Variants in CCSER1 observed in about 807,000 individuals in gnomAD.
CCSER1 encodes the protein serine-rich coiled-coil domain-containing protein 1.
Under a neutral mutation model 82.0 loss-of-function variants are expected in CCSER1, and 41 were observed. The ratio of observed to expected loss-of-function variants is 0.50; its 90% confidence interval spans 0.39 to 0.65. The LOEUF is 0.65. Among genes scored for constraint, CCSER1 ranks in the 30% least tolerant of loss-of-function variants. The pLI is 0.00. For missense variants in CCSER1, 1,119 were observed against 1,064.2 expected (o/e 1.05, Z -0.72); for synonymous variants, 414 against 383.9 (o/e 1.08, Z -0.92).
intron 10 of CCSER1, among the ~76,000 whole-genome samples, chr4:91,169,986 A>C (rs564436393): frequency 6.6e-6 from 1 of 152,044 alleles, no homozygotes; most frequent in East Asian, 1.9e-4. Context: ...ACAAGTTGAA[A>C]CCTCTTTTAA....
chr4:90,544,924 A>G (rs760340653), intron 5 of CCSER1, among the ~76,000 whole-genome samples: 6 of 152,132 alleles, frequency 3.9e-5, no homozygotes, highest in Non-Finnish European at 8.8e-5. Context: ...GTTTATTTTT[A>G]TCATCTCTGT....
At position 90,388,148 on chromosome 4, in the gene CCSER1, G is replaced by A. The variant is rs572003281; in HGVS notation, c.1510-11888G>A. ...TCATTTTATGGAAAAGCATGAAGGA[G>A]TTTATGATTTGCTTTAGTTCACAAG... is the stretch of plus-strand genomic sequence containing the variant. On this transcript the variant is annotated intron_variant, in intron 3 of 10. Transcript: ENST00000509176. Among the ~76,000 whole-genome samples the A allele has an allele frequency of 2.2e-3, 336 of 152,278 alleles. 3 individuals are homozygous for A. Among genetic ancestry groups the A allele is most frequent in the Non-Finnish European group, 3.9e-3 (262 of 68,018 alleles).
At chr4:90,154,886 A>C (rs568555046) in intron 1 of CCSER1, among the ~76,000 whole-genome samples, 1 of 151,682 alleles carries the variant, frequency 6.6e-6, no homozygotes, top group Admixed American at 6.6e-5. Context: ...TCTCCTGCCT[A>C]ATTGCCCTGG....
intron 5 of CCSER1, among the ~76,000 whole-genome samples, chr4:90,559,723 T>A (rs902567778): frequency 1.4e-5 from 2 of 142,736 alleles, no homozygotes; most frequent in Admixed American, 7.7e-5. Context: ...GGCAGGAGAA[T>A]GGCGTGAACC....
intron 8 of CCSER1, among the ~76,000 whole-genome samples, chr4:90,849,080 G>A (rs1763539477): frequency 6.6e-6 from 1 of 152,166 alleles, no homozygotes; most frequent in Non-Finnish European, 1.5e-5. Flanking sequence ...TGCATTAAGT[G>A]GGGTACTGCT....
At chr4:91,080,187 T>C (rs1426896368) in intron 9 of CCSER1, among the ~76,000 whole-genome samples, 1 of 152,140 alleles carries the variant, frequency 6.6e-6, no homozygotes, top group Non-Finnish European at 1.5e-5. Flanking sequence ...CCTCAGCAAA[T>C]GTAGAAGAAC....
chr4:90,752,723 A>C (rs1301373522), intron 7 of CCSER1, among the ~76,000 whole-genome samples: 6 of 151,980 alleles, frequency 3.9e-5, no homozygotes, highest in African/African-American at 1.5e-4. Flanking sequence ...CATGCCATCT[A>C]TTGACAGATG....
intron 1 of CCSER1, among the ~76,000 whole-genome samples, chr4:90,154,208 T>C (rs1274856234): frequency 6.6e-6 from 1 of 151,916 alleles, no homozygotes; most frequent in African/African-American, 2.4e-5. Context: ...CGTAGATTTC[T>C]GAGGGCTCTG....
chr4:91,118,674 A>C (rs1726837495), intron 10 of CCSER1, among the ~76,000 whole-genome samples: 1 of 152,202 alleles, frequency 6.6e-6, no homozygotes, highest in South Asian at 2.1e-4. Flanking sequence ...TATTTTATAC[A>C]TCCCAAAAGA....
chr4:90,590,673 C>A (rs1053390766), intron 5 of CCSER1, among the ~76,000 whole-genome samples: 1 of 151,928 alleles, frequency 6.6e-6, no homozygotes, highest in Admixed American at 6.6e-5. Context: ...GTTTTGGTAC[C>A]AGTACCATGC....
At chr4:90,237,753 A>G (rs141403056) in intron 1 of CCSER1, among the ~76,000 whole-genome samples, 6 of 152,292 alleles carry the variant, frequency 3.9e-5, no homozygotes, top group Non-Finnish European at 8.8e-5. Flanking sequence ...TGAACCTGTG[A>G]AAGAGGAACG....
At chr4:91,483,681 C>A (rs1269601411) in intron 10 of CCSER1, among the ~76,000 whole-genome samples, 1 of 152,152 alleles carries the variant, frequency 6.6e-6, no homozygotes, top group Non-Finnish European at 1.5e-5. Context: ...GGTGACCCAC[C>A]CGCCTCGGCC....
intron 8 of CCSER1, among the ~76,000 whole-genome samples, chr4:90,860,726 C>T (rs1039545638): frequency 2.0e-5 from 3 of 151,560 alleles, no homozygotes; most frequent in Non-Finnish European, 4.4e-5. Context: ...ATGAAGTAAA[C>T]TTGAAAATAC....
At chr4:91,403,270 G>T (rs190329553) in intron 10 of CCSER1, among the ~76,000 whole-genome samples, 1 of 152,164 alleles carries the variant, frequency 6.6e-6, no homozygotes, top group East Asian at 1.9e-4. Context: ...TGCTGAAGTC[G>T]CTTATCAGAT....
chr4:91,195,424 C>T (rs189346278), intron 10 of CCSER1, among the ~76,000 whole-genome samples: 6 of 152,188 alleles, frequency 3.9e-5, no homozygotes, highest in Non-Finnish European at 7.4e-5. Flanking sequence ...TGTTAGGAGA[C>T]GGGAGGTAAG....
chr4:91,577,381 C>T (rs1156826798), intron 10 of CCSER1, among the ~76,000 whole-genome samples: 3 of 151,810 alleles, frequency 2.0e-5, no homozygotes, highest in African/African-American at 7.3e-5. Flanking sequence ...GCCAGGAAGT[C>T]TAAATCACAC....
intron 10 of CCSER1, among the ~76,000 whole-genome samples, chr4:91,363,110 G>C (rs890673296): frequency 6.6e-6 from 1 of 150,902 alleles, no homozygotes; most frequent in Non-Finnish European, 1.5e-5. Context: ...TTTCATTCGT[G>C]AGTCATTTCC....
chr4:91,579,887 A>G lies in CCSER1; in HGVS notation c.2218-18685A>G, dbSNP rs1763647653. Reference sequence around the variant, plus strand: ...TTTTAACACATAATAAATGGCAAGAATAAATATCTATGTTCCTGAAAAGTC... The same window carrying G: ...TTTTAACACATAATAAATGGCAAGAGTAAATATCTATGTTCCTGAAAAGTC... On this transcript the variant is annotated intron_variant, in intron 10 of 10. Transcript: ENST00000509176. Among the ~76,000 whole-genome samples, 7 of 151,868 alleles carry G rather than the reference A, an allele frequency of 4.6e-5. No homozygotes were observed. The South Asian group carries it at 1.4e-3, about 31-fold the overall frequency.
At chr4:91,507,387 A>G (rs1407739982) in intron 10 of CCSER1, among the ~76,000 whole-genome samples, 1 of 151,928 alleles carries the variant, frequency 6.6e-6, no homozygotes, top group Non-Finnish European at 1.5e-5. Flanking sequence ...ATGATGTTGG[A>G]CATCTTTCAT....
Sources: gnomAD v4.1 joint callset for allele counts (sites outside exome capture counted in the v4.1 genomes callset) on GRCh38, gnomAD v4.1.1 for gene constraint, MANE v1.5 for transcripts, NCBI Gene and HGNC (gene_info 2026-07-23, HGNC 2026-07-21) for gene names.